Variants in CRB1 observed in about 807,000 individuals in gnomAD.
CRB1 encodes protein crumbs homolog 1.
CRB1 carries 83 observed loss-of-function variants against 120.0 expected under a neutral mutation model. The observed-to-expected ratio is 0.69, with a 90% CI of 0.58 to 0.83. The LOEUF is 0.83. Ranked by LOEUF, CRB1 falls within the 40% of genes least tolerant of loss-of-function variation. CRB1 has a pLI of 0.00. For missense variants in CRB1, 1,699 were observed against 1,687.6 expected (o/e 1.01, Z -0.12); for synonymous variants, 625 against 612.5 (o/e 1.02, Z -0.30).
chr1:197,319,551 G>A (rs1360747600), intron 1 of CRB1, among the ~76,000 whole-genome samples: 1 of 150,662 alleles, frequency 6.6e-6, no homozygotes, highest in Non-Finnish European at 1.5e-5. Flanking sequence ...AAAGAGATTT[G>A]GTCACCAATT....
intron 7 of CRB1, among the ~76,000 whole-genome samples, chr1:197,428,768 T>C (rs575555724): frequency 1.3e-5 from 2 of 152,376 alleles, no homozygotes; most frequent in African/African-American, 4.8e-5. Context: ...GCAAGCATTA[T>C]TGTTGTCCCA....
chr1:197,341,558 G>A (rs978495388), intron 2 of CRB1, among the ~76,000 whole-genome samples: 42 of 151,966 alleles, frequency 2.8e-4, no homozygotes, highest in Admixed American at 1.3e-4. Context: ...AAAGAAAAGG[G>A]TGATCTGGTC....
At chr1:197,359,210 G>A (rs549769482) in intron 5 of CRB1, among the ~76,000 whole-genome samples, 6 of 152,194 alleles carry the variant, frequency 3.9e-5, no homozygotes, top group African/African-American at 1.2e-4. Context: ...ATCATCACAA[G>A]GATGCCACCT....
chr1:197,307,879 C>A (rs1657265147), intron 1 of CRB1, among the ~76,000 whole-genome samples: 1 of 152,172 alleles, frequency 6.6e-6, no homozygotes, highest in Admixed American at 6.5e-5. Context: ...TGACCTTGAA[C>A]AAGTTACTTA....
chr1:197,403,945 T>C (rs1036454782), intron 5 of CRB1, among the ~76,000 whole-genome samples: 5 of 152,190 alleles, frequency 3.3e-5, no homozygotes, highest in African/African-American at 9.6e-5. Flanking sequence ...ATAGTAGAAA[T>C]TGCTGTTCAA....
At chr1:197,203,616 C>T in the CRB1 span, among the ~76,000 whole-genome samples, 5 of 151,996 alleles carry the variant, frequency 3.3e-5, no homozygotes, top group Non-Finnish European at 7.4e-5. Flanking sequence ...TGAGCCATGG[C>T]GACTGGCCTA....
At chr1:197,336,784 C>T (rs1309370193) in intron 2 of CRB1, among the ~76,000 whole-genome samples, 1 of 152,126 alleles carries the variant, frequency 6.6e-6, no homozygotes, top group Non-Finnish European at 1.5e-5. Context: ...ACAACAATTA[C>T]CATCTGTCTA....
At chr1:197,255,543 T>C in the CRB1 span, among the ~76,000 whole-genome samples, 1 of 152,086 alleles carries the variant, frequency 6.6e-6, no homozygotes, top group African/African-American at 2.4e-5. Context: ...TAGTTGGAAA[T>C]GAGCATTAGT....
chr1:197,350,101 C>G (rs1450000617), intron 4 of CRB1, among the ~76,000 whole-genome samples: 3 of 140,186 alleles, frequency 2.1e-5, no homozygotes, highest in African/African-American at 8.7e-5. Flanking sequence ...AGCGAGACTC[C>G]GTCTCAAAAA....
chr1:197,347,542 T>C (rs927301400), intron 4 of CRB1, 63 bp downstream of exon 4: 8 of 1,500,564 alleles, frequency 5.3e-6, no homozygotes, highest in East Asian at 2.3e-5. Context: ...ATATCGCTTA[T>C]AGCAAATGAA....
intron 11 of CRB1, among the ~76,000 whole-genome samples, chr1:197,458,674 T>G (rs1175137064): frequency 1.3e-5 from 2 of 152,090 alleles, no homozygotes; most frequent in Non-Finnish European, 2.9e-5. Context: ...CTTCCCAAAG[T>G]CACCATTCCA....
At chr1:197,459,169 A>G (rs1260465532) in intron 11 of CRB1, among the ~76,000 whole-genome samples, 3 of 152,134 alleles carry the variant, frequency 2.0e-5, no homozygotes, top group Non-Finnish European at 4.4e-5. Context: ...TAAGAGAAAG[A>G]TTAGATGATG....
At chr1:197,218,687 G>C in the CRB1 span, among the ~76,000 whole-genome samples, 959 of 152,244 alleles carry the variant, frequency 6.3e-3, 14 homozygotes, top group African/African-American at 0.022. Flanking sequence ...CAGGGAATAG[G>C]AGAGCAGGAC....
chr1:197,203,499 A>G, the CRB1 span, among the ~76,000 whole-genome samples: 1 of 151,874 alleles, frequency 6.6e-6, no homozygotes, highest in Non-Finnish European at 1.5e-5. Context: ...TAATTTTTGT[A>G]TTTTTAGTAG....
intron 1 of CRB1, among the ~76,000 whole-genome samples, chr1:197,291,280 C>T (rs1293787501): frequency 6.6e-6 from 1 of 151,756 alleles, no homozygotes; most frequent in African/African-American, 2.4e-5. Flanking sequence ...TGTCTTTTAT[C>T]CCATTCTAAC....
At chr1:197,466,722 C>T (rs1196470536) in intron 11 of CRB1, among the ~76,000 whole-genome samples, 1 of 152,078 alleles carries the variant, frequency 6.6e-6, no homozygotes, top group Non-Finnish European at 1.5e-5. Context: ...ATGTGATAAG[C>T]CGTAGGGATG....
chr1:197,342,594 C>A (rs1659533601), intron 2 of CRB1, among the ~76,000 whole-genome samples: 1 of 152,048 alleles, frequency 6.6e-6, no homozygotes, highest in Non-Finnish European at 1.5e-5. Flanking sequence ...ACGCTGGCTG[C>A]TCCAAATTTT....
the CRB1 span, among the ~76,000 whole-genome samples, chr1:197,240,722 A>G: frequency 7.9e-5 from 12 of 152,328 alleles, no homozygotes; most frequent in African/African-American, 2.4e-4. Context: ...TCCTTTGAGT[A>G]TATACGCAGT....
At chr1:197,290,611 C>T (rs1242435107) in intron 1 of CRB1, among the ~76,000 whole-genome samples, 8 of 151,572 alleles carry the variant, frequency 5.3e-5, no homozygotes, top group African/African-American at 7.3e-5. Context: ...TATGAACGTC[C>T]ATTGAGTGTC....
Sources: allele counts gnomAD v4.1 joint callset (sites outside exome capture counted in the v4.1 genomes callset), GRCh38; gene constraint gnomAD v4.1.1; transcripts MANE v1.5; gene names NCBI Gene and HGNC (gene_info 2026-07-23, HGNC 2026-07-21).